Variants in SNRPN observed in about 807,000 individuals in gnomAD.
SNRPN encodes the protein small nuclear ribonucleoprotein polypeptide N.
SNRPN carries 7 observed loss-of-function variants against 25.2 expected under a neutral mutation model. The observed-to-expected ratio is 0.28, with a 90% confidence interval of 0.16 to 0.52. The LOEUF (loss-of-function observed/expected upper bound fraction) is 0.52. SNRPN is among the 20% of genes least tolerant of loss of function. The pLI, the probability that SNRPN is intolerant of heterozygous loss-of-function variation, is 0.96. For synonymous variants in SNRPN, 124 were observed against 110.6 expected (o/e 1.12, Z -0.76); for missense variants, 196 against 322.5 (o/e 0.61, Z 3.00).
chr15:24,841,079 T>G (rs2143017082), intron 2 of SNRPN, among the ~76,000 whole-genome samples: 1 of 152,256 alleles, frequency 6.6e-6, no homozygotes, highest in East Asian at 1.9e-4. Context: ...GACCTCGTGA[T>G]TCACCCACTT....
At position 24,872,867 on chromosome 15, in the gene SNRPN, G is replaced by A. The variant is rs546857215; in HGVS notation, c.-578-13649G>A. Among the ~76,000 whole-genome samples the A allele has an allele frequency of 2.6e-3, 160 of 61,838 alleles. 41 individuals are homozygous for A. The highest frequency in any genetic ancestry group is 4.0e-3 in the Non-Finnish European group (135 of 33,802). The allele number at this position is 61,838 out of a possible 152,430, so 40.6% of individuals were successfully genotyped here. A position where few individuals can be genotyped will look rare whatever the true frequency, so the allele number is the denominator to read the frequency against. ...AGCCTGGGTGACAGAGCGAGACTCC[G>A]TCTCAAAAAAAAAAAAAAAAAAAAA... On this transcript the variant is annotated intron_variant, in intron 1 of 11. Transcript: ENST00000400097.
At chr15:24,885,797 C>T (rs112747767) in intron 1 of SNRPN, among the ~76,000 whole-genome samples, 83 of 151,436 alleles carry the variant, frequency 5.5e-4, no homozygotes, top group African/African-American at 1.8e-3. Context: ...CTGTAGCCCA[C>T]GTGTTGCATG....
chr15:24,897,979 T>C (rs547930138), intron 2 of SNRPN, among the ~76,000 whole-genome samples: 8 of 152,234 alleles, frequency 5.3e-5, no homozygotes, highest in Admixed American at 1.3e-4. Context: ...TTGCTAAATA[T>C]GTAGAACTAC....
At chr15:24,888,187 C>T (rs2057360635) in intron 2 of SNRPN, among the ~76,000 whole-genome samples, 1 of 150,224 alleles carries the variant, frequency 6.7e-6, no homozygotes, top group African/African-American at 2.4e-5. Context: ...CGGCTCACCA[C>T]AACCTCCGCC....
chr15:24,943,845 AG>A lies in SNRPN; in HGVS notation c.-390-18266del, dbSNP rs565215881. 7.2e-5 allele frequency among the ~76,000 whole-genome samples: 11 copies of A among 152,098 alleles called. 1 individual carries two copies. The South Asian group carries it at 2.3e-3, about 32-fold the overall frequency. ...TTTTAATTTTTTTATTTTTCGAGAC[AG>A]GGTCTCGCCCTGTTTCCCAGGCTGG... On this transcript the variant is annotated intron_variant, in intron 3 of 11. Coordinates refer to the SNRPN transcript ENST00000400097.
intron 1 of SNRPN, among the ~76,000 whole-genome samples, chr15:24,882,823 C>CAAAAAA (rs10543501): frequency 7.9e-6 from 1 of 127,112 alleles, no homozygotes; most frequent in African/African-American, 3.0e-5. Context: ...GACTCCATCT[C>CAAAAAA]AAAAAAAAAA....
intron 1 of SNRPN, 31 bp from the exon 2 acceptor site, chr15:24,962,083 A>T (rs779030659): frequency 1.9e-6 from 3 of 1,557,454 alleles, no homozygotes; most frequent in African/African-American, 2.7e-5. Flanking sequence ...GATGCAGTCT[A>T]CCAAACAAAT....
At chr15:24,954,277 C>T (rs1425779832), upstream of SNRPN, among the ~76,000 whole-genome samples, 1 of 151,990 alleles carries the variant, frequency 6.6e-6, no homozygotes, top group African/African-American at 2.4e-5. Flanking sequence ...TTAATGTATC[C>T]AATTCTAATA....
chr15:24,898,081 T>C (rs965220536), intron 2 of SNRPN, among the ~76,000 whole-genome samples: 1 of 152,108 alleles, frequency 6.6e-6, no homozygotes, highest in Non-Finnish European at 1.5e-5. Flanking sequence ...CTCTTATCAA[T>C]GGCAATTACT....
intron 3 of SNRPN, among the ~76,000 whole-genome samples, chr15:24,931,778 G>A (rs2060875296): frequency 7.2e-6 from 1 of 138,118 alleles, no homozygotes; most frequent in Admixed American, 7.8e-5. Flanking sequence ...GACAGAGGTT[G>A]CAGTGAGCCA....
chr15:24,894,654 AT>A (rs1391350834), intron 2 of SNRPN, among the ~76,000 whole-genome samples: 3 of 152,158 alleles, frequency 2.0e-5, no homozygotes, highest in Admixed American at 1.3e-4. Context: ...AATTTTTATA[AT>A]TTTTTTCCTA....
intron 3 of SNRPN, among the ~76,000 whole-genome samples, chr15:24,944,742 A>G (rs2061770721): frequency 6.6e-6 from 1 of 152,208 alleles, no homozygotes; most frequent in African/African-American, 2.4e-5. Context: ...ATGAACTAAC[A>G]GGATGTGTAT....
chr15:24,832,504 C>T (rs1303670294), intron 2 of SNRPN, among the ~76,000 whole-genome samples: 1 of 151,872 alleles, frequency 6.6e-6, no homozygotes, highest in Non-Finnish European at 1.5e-5. Flanking sequence ...CTAAAAGTAG[C>T]CAATTGAGGG....
chr15:24,884,528 C>T (rs568881084), intron 1 of SNRPN, among the ~76,000 whole-genome samples: 5 of 152,286 alleles, frequency 3.3e-5, no homozygotes, highest in Admixed American at 1.3e-4. Flanking sequence ...TTGCTCTGCA[C>T]AGACCACGTT....
rs142893523 is a variant in SNRPN at position 24,898,036 on chromosome 15, A to G, written c.-505+11447A>G. Among the ~76,000 whole-genome samples the G allele has an allele frequency of 8.9e-4, 135 of 152,322 alleles. 1 individual carries two copies. In the East Asian group the frequency reaches 0.018, roughly 20 times the overall value. The stretch of plus-strand genomic sequence containing the variant: ...GTTAGGAAGATCAAATAGGCACTAC[A>G]AGAGCATTTTCTTGGTAAATGGTAT... On this transcript the variant is annotated intron_variant, in intron 2 of 11. Transcript: ENST00000400097.
At chr15:24,917,392 C>T (rs1182472606) in intron 2 of SNRPN, among the ~76,000 whole-genome samples, 1 of 152,160 alleles carries the variant, frequency 6.6e-6, no homozygotes, top group Non-Finnish European at 1.5e-5. Context: ...TATTTTAAAA[C>T]TCCTATTCCT....
intron 3 of SNRPN, among the ~76,000 whole-genome samples, chr15:24,925,145 C>T (rs915196772): frequency 1.3e-5 from 2 of 152,098 alleles, no homozygotes; most frequent in Admixed American, 6.6e-5. Flanking sequence ...AGGGTTGAGT[C>T]AGGAAAAGCT....
At chr15:24,884,881 C>T (rs1043045866) in intron 1 of SNRPN, among the ~76,000 whole-genome samples, 5 of 151,984 alleles carry the variant, frequency 3.3e-5, no homozygotes, top group African/African-American at 7.3e-5. Flanking sequence ...GAATTCAAGG[C>T]GAGATGCAGA....
chr15:24,889,601 G>A (rs1428788612), intron 2 of SNRPN, among the ~76,000 whole-genome samples: 8 of 151,004 alleles, frequency 5.3e-5, no homozygotes, highest in South Asian at 4.3e-4. Context: ...CACCGTGCCC[G>A]GCCCTAACAC....
Sources: gnomAD v4.1 joint callset for allele counts (sites outside exome capture counted in the v4.1 genomes callset) on GRCh38, gnomAD v4.1.1 for gene constraint, MANE v1.5 for transcripts, NCBI Gene and HGNC (gene_info 2026-07-23, HGNC 2026-07-21) for gene names.